CACNA1C: variants seen among roughly 807,000 people sequenced by gnomAD.
The protein encoded by CACNA1C is calcium voltage-gated channel subunit alpha1 C.
CACNA1C carries 30 observed loss-of-function variants against 229.0 expected under a neutral mutation model. The observed-to-expected ratio is 0.13, with a 90% CI of 0.10 to 0.18. The LOEUF is 0.18. Among genes scored for constraint, CACNA1C ranks in the 10% least tolerant of loss-of-function variants. The pLI is 1.00. For missense variants in CACNA1C, 1,658 were observed against 2,845.0 expected, an observed-to-expected ratio of 0.58 and a Z score of 9.49; for synonymous variants, 1,114 against 1,132.5, an observed-to-expected ratio of 0.98 and a Z score of 0.33.
At chr12:2,498,653 G>C (rs772533342) in intron 7 of CACNA1C, among the ~76,000 whole-genome samples, 4 of 152,252 alleles carry the variant, frequency 2.6e-5, no homozygotes, top group Non-Finnish European at 5.9e-5. Flanking sequence ...ACACAGCTGA[G>C]CCATGGGGGT....
chr12:2,049,815 G>T (rs1054222401), upstream of CACNA1C, among the ~76,000 whole-genome samples: 1 of 152,158 alleles, frequency 6.6e-6, no homozygotes, highest in Non-Finnish European at 1.5e-5. Context: ...AATTCACAAT[G>T]GTCTCCTTTT....
At chr12:2,417,333 T>A (rs2098921419) in intron 3 of CACNA1C, among the ~76,000 whole-genome samples, 1 of 152,224 alleles carries the variant, frequency 6.6e-6, no homozygotes, top group African/African-American at 2.4e-5. Context: ...CTTCACCTCA[T>A]GGGCCTGCAC....
rs963902926 is a variant in CACNA1C, at chr12:2,275,459, C to A, written c.477+155029C>A. Among the ~76,000 whole-genome samples the A allele has an allele frequency of 6.6e-6, 1 of 152,106 alleles. No homozygotes were observed. The highest frequency in any genetic ancestry group is 1.5e-5 in the Non-Finnish European group (1 of 68,012). ...GTACCGCATCGCTCTGTGCATGTGA[C>A]CTAGCTCTCTCCTGGCCCCCTGTTC... On this transcript the variant is annotated intron_variant, in intron 3 of 46. Coordinates refer to ENST00000399655, the MANE Select transcript of CACNA1C (RefSeq NM_000719.7). The surrounding 1 kb of genome is among the most constrained non-coding windows in gnomAD (Gnocchi z 4.1).
At chr12:2,313,083 A>G (rs1355601685) in intron 3 of CACNA1C, among the ~76,000 whole-genome samples, 3 of 152,144 alleles carry the variant, frequency 2.0e-5, no homozygotes, top group Admixed American at 6.6e-5. Flanking sequence ...TACAGAGACC[A>G]CCTTTTCAGT....
chr12:2,224,811 TTGTC>T (rs1442690550), intron 3 of CACNA1C, among the ~76,000 whole-genome samples: 1 of 152,190 alleles, frequency 6.6e-6, no homozygotes, highest in African/African-American at 2.4e-5. Flanking sequence ...ATTGCCATCA[TTGTC>T]TGGAGGGGAT....
intron 1 of CACNA1C, among the ~76,000 whole-genome samples, chr12:2,043,103 T>C (rs959485739): frequency 6.6e-6 from 1 of 152,194 alleles, no homozygotes; most frequent in Non-Finnish European, 1.5e-5. Flanking sequence ...GATTGCAATA[T>C]TACTTCATCG....
At chr12:2,216,380 C>G (rs2059974246) in intron 3 of CACNA1C, among the ~76,000 whole-genome samples, 5 of 152,156 alleles carry the variant, frequency 3.3e-5, no homozygotes, top group Admixed American at 3.3e-4. Flanking sequence ...AAGAAAGAAG[C>G]AGGCACGCAG....
chr12:2,154,116 AGAG>A (rs1417613297), intron 3 of CACNA1C, among the ~76,000 whole-genome samples: 1 of 152,212 alleles, frequency 6.6e-6, no homozygotes, highest in African/African-American at 2.4e-5. Context: ...AGGTCCACCC[AGAG>A]GAGTTCTTTT....
At position 2,309,373 on chromosome 12, in the gene CACNA1C, G is replaced by A. The variant is rs181986707; in HGVS notation, c.478-139603G>A. Reference sequence around the variant, plus strand: ...AAGAGGTAATGGGAGATGGGGAAGGGTTATAAACTTGGCAATCTAATGTAC... The same window carrying A: ...AAGAGGTAATGGGAGATGGGGAAGGATTATAAACTTGGCAATCTAATGTAC... On this transcript the variant is annotated intron_variant, in intron 3 of 46. Coordinates refer to ENST00000399655, the MANE Select transcript of CACNA1C (RefSeq NM_000719.7). 2.2e-3 allele frequency among the ~76,000 whole-genome samples: 329 copies of A among 152,236 alleles called. 1 individual carries two copies. The highest frequency in any genetic ancestry group is 7.7e-3 in the African/African-American group (319 of 41,532).
intron 4 of CACNA1C, among the ~76,000 whole-genome samples, chr12:2,455,124 A>G (rs909454258): frequency 5.9e-5 from 9 of 152,180 alleles, no homozygotes; most frequent in Non-Finnish European, 1.0e-4. Context: ...CTTCTATGTC[A>G]TCACATTTTC....
rs576644502 is a variant in CACNA1C, at chr12:2,035,049, C to G, written c.139+63848C>G. On this transcript the variant is annotated intron_variant, in intron 1 of 46. Transcript: ENST00000682462. ...TTCAGAGCCGCAACCGCGACAGCCCCGTCGTCCACCTCAGGTGCCGGCGCC... is the reference window on the plus strand; with the variant it reads ...TTCAGAGCCGCAACCGCGACAGCCCGGTCGTCCACCTCAGGTGCCGGCGCC... 3.3e-5 allele frequency among the ~76,000 whole-genome samples: 5 copies of G among 152,292 alleles called. No individual in the cohort carries two copies. In the South Asian group the frequency reaches 6.2e-4, roughly 19 times the overall value.
intron 3 of CACNA1C, among the ~76,000 whole-genome samples, chr12:2,270,691 G>T (rs559333761): frequency 6.6e-6 from 1 of 152,202 alleles, no homozygotes; most frequent in African/African-American, 2.4e-5. Context: ...TCCCTTTCTG[G>T]TTTAAGCTTG....
intron 11 of CACNA1C, among the ~76,000 whole-genome samples, chr12:2,562,416 A>G (rs543875698): frequency 1.3e-5 from 2 of 152,346 alleles, no homozygotes; most frequent in African/African-American, 4.8e-5. Context: ...TGCAAACTTC[A>G]CTGTCAGCTC....
At position 2,493,215 on chromosome 12, in the gene CACNA1C, C is replaced by T. The variant is rs1159970984; in HGVS notation, c.942C>T (p.Ser314=). The T allele has an allele frequency of 1.2e-6, 2 of 1,613,854 alleles. No individual in the cohort carries two copies. The highest frequency in any genetic ancestry group is 1.7e-5 in the Admixed American group (1 of 60,008). Residue 314 remains serine, a synonymous_variant, in exon 7 of 47, where the codon TCC becomes TCT. Transcript: ENST00000399655. The surrounding 1 kb of genome is among the most constrained non-coding windows in gnomAD (Gnocchi z 4.6). The part of the protein sequence containing the change: ...IADVPAEDDP[S]PCALETGHGR... The stretch of plus-strand genomic sequence containing the variant: ...ATGTTCCAGCAGAAGATGACCCTTC[C>T]CCTTGTGCGCTGGAAACGGGCCACG...
At chr12:2,432,573 G>A (rs749079104) in intron 3 of CACNA1C, among the ~76,000 whole-genome samples, 4 of 152,206 alleles carry the variant, frequency 2.6e-5, no homozygotes, top group Non-Finnish European at 5.9e-5. Context: ...GGGGCTAAGG[G>A]AGTTGGAGCA....
intron 13 of CACNA1C, among the ~76,000 whole-genome samples, chr12:2,573,803 A>G (rs952816882): frequency 6.6e-6 from 1 of 152,248 alleles, no homozygotes; most frequent in Non-Finnish European, 1.5e-5. Context: ...TTGTAACATA[A>G]TAGCATCACT....
chr12:2,481,219 G>T (rs1212029962), intron 5 of CACNA1C, among the ~76,000 whole-genome samples: 1 of 152,154 alleles, frequency 6.6e-6, no homozygotes, highest in Non-Finnish European at 1.5e-5. Context: ...GTGATCTGTT[G>T]TCAGCCCTCG....
Position 2,067,726 on chromosome 12 carries a change from T to C in CACNA1C, c.49+14115T>C, listed in dbSNP as rs1022883073. Among the ~76,000 whole-genome samples, 3 of 152,080 alleles carry C rather than the reference T, an allele frequency of 2.0e-5. No homozygotes were observed. Among genetic ancestry groups the C allele is most frequent in the Admixed American group, 2.0e-4 (3 of 15,272 alleles). On this transcript the variant is annotated intron_variant, in intron 1 of 46. Coordinates refer to ENST00000399655, the MANE Select transcript of CACNA1C (RefSeq NM_000719.7). This position sits in a 1 kb window ranked among gnomAD's most constrained non-coding sequence, Gnocchi z 5.3. ...TCTTGGGCATCAAGGACAAGGAACC[T>C]GCACTGTTAACCTCAGTCAGGGCGC...
At chr12:2,294,587 A>G (rs191479692) in intron 3 of CACNA1C, among the ~76,000 whole-genome samples, 41 of 152,058 alleles carry the variant, frequency 2.7e-4, no homozygotes, top group Non-Finnish European at 5.0e-4. Flanking sequence ...CTGTCGGGAT[A>G]CATCATGGAG....
Sources: gnomAD v4.1 joint callset for allele counts (sites outside exome capture counted in the v4.1 genomes callset) on GRCh38, gnomAD v4.1.1 for gene constraint, Gnocchi (gnomAD v3.1) non-coding constraint, MANE v1.5 for transcripts, NCBI Gene and HGNC (gene_info 2026-07-23, HGNC 2026-07-21) for gene names.